ST8SIA3: variants seen among roughly 807,000 people sequenced by gnomAD.
ST8SIA3 encodes alpha-N-acetylneuraminate alpha-2,8-sialyltransferase ST8SIA3.
ST8SIA3 carries 17 observed loss-of-function variants against 34.5 expected under a neutral mutation model. That is an observed-to-expected ratio of 0.49 (90% CI 0.34 to 0.74). The LOEUF (loss-of-function observed/expected upper bound fraction) is 0.74, where lower values mean the gene tolerates loss of function less well. Ranked by LOEUF, ST8SIA3 falls within the 30% of genes least tolerant of loss-of-function variation. The pLI is 0.01. For synonymous variants in ST8SIA3, 172 were observed against 176.1 expected, an observed-to-expected ratio of 0.98 and a Z score of 0.19; for missense variants, 354 against 467.8, an observed-to-expected ratio of 0.76 and a Z score of 2.24.
At chr18:57,359,886 C>G in intron 3 of ST8SIA3, 109 bp from the exon 4 acceptor site, 1 of 921,264 alleles carries the variant, frequency 1.1e-6, no homozygotes, top group Non-Finnish European at 1.6e-6. Context: ...AAAACAAGCA[C>G]TATTTAAGTT....
At chr18:57,353,145 C>T in intron 1 of ST8SIA3, 120 bp downstream of exon 1, 2 of 949,406 alleles carry the variant, frequency 2.1e-6, no homozygotes, top group Non-Finnish European at 3.2e-6. Flanking sequence ...CAGATAACTG[C>T]GCGGTCCTTC....
chr18:57,352,898 C>G lies in ST8SIA3; in HGVS notation c.52C>G (p.Leu18Val), dbSNP rs2049773010. 1 of 1,613,738 alleles carries G rather than the reference C, an allele frequency of 6.2e-7. No homozygotes were observed. Among genetic ancestry groups the G allele is most frequent in the Admixed American group, 1.7e-5 (1 of 60,002 alleles). The change falls in exon 1 of 4, where the codon CTC becomes GTC. Residue 18 changes from leucine (L) to valine (V), a missense_variant. Around this residue, in one of 3 missense-constraint regions of ST8SIA3, gnomAD observed 184 missense variants for 205.4 expected, o/e 0.90. Transcript: ENST00000324000. ...CGCCAGTGTGCTGGGGCTGGTCATGCTCAGCGTCGCCCTGCTGATTTTATC... is the reference window on the plus strand; with the variant it reads ...CGCCAGTGTGCTGGGGCTGGTCATGGTCAGCGTCGCCCTGCTGATTTTATC... ...RVASVLGLVM[L>V]SVALLILSLI...
chr18:57,362,240 T>C lies in ST8SIA3; in HGVS notation c.*1963T>C, dbSNP rs1428129199. 1 of 152,208 alleles carries C rather than the reference T, an allele frequency of 6.6e-6. No homozygotes were observed. The highest frequency in any genetic ancestry group is 2.4e-5 in the African/African-American group (1 of 41,454). 9.4% of individuals were successfully genotyped at this position (152,208 alleles called of 1,614,324 possible). The stretch of plus-strand genomic sequence containing the variant: ...GGACTGTACTACCATCCTCACACTG[T>C]GCTCTGTTGGGATCACTGAGAGATT... On this transcript the variant is annotated 3_prime_UTR_variant, in exon 4 of 4. Transcript: ENST00000324000.
intron 3 of ST8SIA3, 70 bp downstream of exon 3, chr18:57,357,540 G>A: frequency 8.0e-7 from 1 of 1,253,628 alleles, no homozygotes; most frequent in Non-Finnish European, 1.1e-6. Context: ...TCTCTTGGGG[G>A]TGGGAGCCAT....
Position 57,352,769 on chromosome 18 carries a change from C to CAT in ST8SIA3, c.-72_-71dup, listed in dbSNP as rs752135499. The CAT allele has an allele frequency of 3.0e-5, 31 of 1,024,786 alleles. No individual in the cohort carries two copies. The highest frequency in any genetic ancestry group is 2.1e-4 in the East Asian group (7 of 32,614). 63.5% of individuals were successfully genotyped at this position (1,024,786 alleles called of 1,614,324 possible). Reference sequence around the variant, plus strand: ...ACACACACACACACACACACACACACATATATACACGCCAGCGAGCTGCTG... The same window carrying CAT: ...ACACACACACACACACACACACACACATATATATACACGCCAGCGAGCTGCTG... On this transcript the variant is annotated 5_prime_UTR_variant, in exon 1 of 4. Coordinates refer to ENST00000324000, the MANE Select transcript of ST8SIA3 (RefSeq NM_015879.3).
chr18:57,359,904 C>G (rs756616870), intron 3 of ST8SIA3, 91 bp from the exon 4 acceptor site: 81 of 1,172,338 alleles, frequency 6.9e-5, no homozygotes, highest in Non-Finnish European at 9.4e-5. Context: ...GTTACAGTAA[C>G]AAATCCACTA....
In ST8SIA3 at chr18:57,357,379, A is replaced by T; in HGVS notation, c.769A>T (p.Thr257Ser). 1 of 1,613,178 alleles carries T rather than the reference A, an allele frequency of 6.2e-7. No individual in the cohort carries two copies. The highest frequency in any genetic ancestry group is 8.5e-7 in the Non-Finnish European group (1 of 1,179,962). The change falls in exon 3 of 4, where the codon ACC becomes TCC. Residue 257 changes from threonine (T) to serine (S), a missense_variant. By Grantham distance (58) the Thr-to-Ser change is moderately conservative. Coordinates refer to ENST00000324000, the MANE Select transcript of ST8SIA3 (RefSeq NM_015879.3). ...AFFFHTSATVTRTLVDFFVEH... is the reference protein window; with the variant it reads ...AFFFHTSATVSRTLVDFFVEH... ...TTTCTTCCACACTTCAGCAACTGTG[A>T]CCAGGACATTAGTTGACTTTTTTGT...
chr18:57,359,279 G>A (rs1046257862), intron 3 of ST8SIA3, among the ~76,000 whole-genome samples: 1 of 152,076 alleles, frequency 6.6e-6, no homozygotes, highest in African/African-American at 2.4e-5. Flanking sequence ...AAATATGGAA[G>A]GACTAATAAC....
chr18:57,360,679 G>A lies in ST8SIA3; in HGVS notation c.*402G>A, dbSNP rs376921675. On this transcript the variant is annotated 3_prime_UTR_variant, in exon 4 of 4. Transcript: ENST00000324000. Reference sequence around the variant, plus strand: ...TGGGGCAGGACCTGTTTTGCTGGTGGGATCAGACTCTGAAAAATGGAAACG... The same window carrying A: ...TGGGGCAGGACCTGTTTTGCTGGTGAGATCAGACTCTGAAAAATGGAAACG... 3.6e-5 allele frequency: 6 copies of A among 168,272 alleles called. No homozygotes were observed. Among genetic ancestry groups the A allele is most frequent in the African/African-American group, 1.4e-4 (6 of 41,922 alleles). The allele number at this position is 168,272 out of a possible 1,614,324, so 10.4% of individuals were successfully genotyped here.
chr18:57,353,033 C>T lies in ST8SIA3; in HGVS notation c.179+8C>T, dbSNP rs376847999. ...GTTCCACGCGGGATTCCGGTGAGTGCGGGCCTCTGTGTTAGTGCCCTCGGG... is the reference window on the plus strand; with the variant it reads ...GTTCCACGCGGGATTCCGGTGAGTGTGGGCCTCTGTGTTAGTGCCCTCGGG... On this transcript the variant is annotated splice_region_variant and intron_variant, in intron 1 of 3. Coordinates refer to ENST00000324000, the MANE Select transcript of ST8SIA3 (RefSeq NM_015879.3). The T allele has an allele frequency of 5.0e-6, 8 of 1,604,180 alleles. No individual in the cohort carries two copies. The highest frequency in any genetic ancestry group is 5.9e-6 in the Non-Finnish European group (7 of 1,179,358).
Position 57,352,751 on chromosome 18 carries a change from C to CACACAT in ST8SIA3, c.-91_-90insTACACA, listed in dbSNP as rs2049771173. 1 of 873,008 alleles carries CACACAT rather than the reference C, an allele frequency of 1.1e-6. No homozygotes were observed. Among genetic ancestry groups the CACACAT allele is most frequent in the African/African-American group, 1.7e-5 (1 of 58,516 alleles). The allele number at this position is 873,008 out of a possible 1,614,324, so 54.1% of individuals were successfully genotyped here. ...GCGCGCTCACACACACACACACACA[C>CACACAT]ACACACACACACACACACATATATA... is the stretch of plus-strand genomic sequence containing the variant. On this transcript the variant is annotated 5_prime_UTR_variant, in exon 1 of 4. Transcript: ENST00000324000.
Position 57,354,431 on chromosome 18 carries a change from C to A in ST8SIA3, c.209C>A (p.Pro70Gln), listed in dbSNP as rs1487019091. ...CAATTTGCGCTGAAGTTTCTAGACC[C>A]GTCATTCGTGCCCATTACGAATTCT... ...RSQFALKFLD[P>Q]SFVPITNSLT... Residue 70 changes from proline to glutamine, a missense_variant, in exon 2 of 4, where the codon CCG becomes CAG. Coordinates refer to ENST00000324000, the MANE Select transcript of ST8SIA3 (RefSeq NM_015879.3). 6.2e-7 allele frequency: 1 copy of A among 1,614,122 alleles called. No homozygotes were observed. The highest frequency in any genetic ancestry group is 8.5e-7 in the Non-Finnish European group (1 of 1,179,984).
In ST8SIA3 at chr18:57,360,410, C is replaced by T; in HGVS notation, c.*133C>T. On this transcript the variant is annotated 3_prime_UTR_variant, in exon 4 of 4. Transcript: ENST00000324000. ...ATTTAAAAGGAAAGATGTCTTTTCT[C>T]TTTTGCACTGCTCTTTTAAGAGTTT... 1.1e-6 allele frequency: 1 copy of T among 892,304 alleles called. No individual in the cohort carries two copies. Among genetic ancestry groups the T allele is most frequent in the South Asian group, 1.8e-5 (1 of 55,034 alleles). The allele number at this position is 892,304 out of a possible 1,614,324, so 55.3% of individuals were successfully genotyped here. A position where few individuals can be genotyped will look rare whatever the true frequency, so the allele number is the denominator to read the frequency against.
At position 57,362,191 on chromosome 18, in the gene ST8SIA3, G is replaced by A. The variant is rs1212949174; in HGVS notation, c.*1914G>A. On this transcript the variant is annotated 3_prime_UTR_variant, in exon 4 of 4. Transcript: ENST00000324000. ...TTGATGGGTATCACAACCACACCGT[G>A]TTTGTTCCCTGTCCCTTTGAAGAGG... 1 of 152,210 alleles carries A rather than the reference G, an allele frequency of 6.6e-6. No homozygotes were observed. The highest frequency in any genetic ancestry group is 1.5e-5 in the Non-Finnish European group (1 of 68,036). The allele number at this position is 152,210 out of a possible 1,614,324, so 9.4% of individuals were successfully genotyped here. A position where few individuals can be genotyped will look rare whatever the true frequency, so the allele number is the denominator to read the frequency against.
rs1322472365 is a variant in ST8SIA3, at chr18:57,367,715, T to C, written c.*7438T>C. 1 of 152,464 alleles carries C rather than the reference T, an allele frequency of 6.6e-6. No individual in the cohort carries two copies. Among genetic ancestry groups the C allele is most frequent in the Non-Finnish European group, 1.5e-5 (1 of 68,032 alleles). The allele number at this position is 152,464 out of a possible 1,614,324, so 9.4% of individuals were successfully genotyped here. A position where few individuals can be genotyped will look rare whatever the true frequency, so the allele number is the denominator to read the frequency against. ...AGGGAGGTTTCCCTCTGAAGGAATC[T>C]AGACCATTTTTTAATATGGAGAATA... On this transcript the variant is annotated 3_prime_UTR_variant, in exon 4 of 4. Coordinates refer to ENST00000324000, the MANE Select transcript of ST8SIA3 (RefSeq NM_015879.3).
intron 1 of ST8SIA3, among the ~76,000 whole-genome samples, chr18:57,353,389 G>A (rs2049776985): frequency 6.6e-6 from 1 of 152,112 alleles, no homozygotes; most frequent in East Asian, 1.9e-4. Flanking sequence ...AGGCGTGAGG[G>A]GAGCGCCCTC....
chr18:57,367,691 G>C lies in ST8SIA3; in HGVS notation c.*7414G>C, dbSNP rs1194623729. 6.6e-6 allele frequency: 1 copy of C among 152,330 alleles called. No homozygotes were observed. Among genetic ancestry groups the C allele is most frequent in the Non-Finnish European group, 1.5e-5 (1 of 68,040 alleles). 9.4% of individuals were successfully genotyped at this position (152,330 alleles called of 1,614,324 possible). ...CATTGAAGTACTTGCAAAAAGAAGAGGGAGGTTTCCCTCTGAAGGAATCTA... is the reference window on the plus strand; with the variant it reads ...CATTGAAGTACTTGCAAAAAGAAGACGGAGGTTTCCCTCTGAAGGAATCTA... On this transcript the variant is annotated 3_prime_UTR_variant, in exon 4 of 4. Transcript: ENST00000324000.
intron 2 of ST8SIA3, among the ~76,000 whole-genome samples, chr18:57,355,516 A>G (rs1434598075): frequency 6.6e-6 from 1 of 152,244 alleles, no homozygotes; most frequent in East Asian, 1.9e-4. Flanking sequence ...GTCAGCATAC[A>G]GTCATATGAT....
rs1386700378 is a variant in ST8SIA3, at chr18:57,352,705, C to T, written c.-142C>T. On this transcript the variant is annotated 5_prime_UTR_variant, in exon 1 of 4. Transcript: ENST00000324000. ...GCCTCCCCCCACCCCCGCCCGGGTC[C>T]CCCTCCTCCGCCACACGCGCGCGCG... The T allele has an allele frequency of 3.4e-6, 1 of 291,628 alleles. No individual in the cohort carries two copies. Among genetic ancestry groups the T allele is most frequent in the Non-Finnish European group, 6.8e-6 (1 of 146,910 alleles). 18.1% of individuals were successfully genotyped at this position (291,628 alleles called of 1,614,324 possible). A position where few individuals can be genotyped will look rare whatever the true frequency, so the allele number is the denominator to read the frequency against.
Sources: gnomAD v4.1 joint callset for allele counts (sites outside exome capture counted in the v4.1 genomes callset) on GRCh38, gnomAD v4.1.1 for gene constraint, gnomAD v4.1.1 regional missense constraint, MANE v1.5 for transcripts, NCBI Gene and HGNC (gene_info 2026-07-23, HGNC 2026-07-21) for gene names.